Variants in DPP6 observed in about 807,000 individuals in gnomAD.
DPP6 encodes dipeptidyl peptidase like 6.
A neutral mutation model predicts 122.6 loss-of-function variants in DPP6; 69 were observed. That is an observed-to-expected ratio of 0.56 (90% CI 0.46 to 0.69). The LOEUF (loss-of-function observed/expected upper bound fraction) is 0.69, where lower values mean the gene tolerates loss of function less well. Ranked by LOEUF, DPP6 falls within the 30% of genes least tolerant of loss-of-function variation. The pLI is 0.00. For missense variants in DPP6, 928 were observed against 1,116.9 expected (o/e 0.83, Z 2.41); for synonymous variants, 418 against 433.1 (o/e 0.97, Z 0.43).
At chr7:154,180,304 C>T (rs1798007053) in intron 1 of DPP6, among the ~76,000 whole-genome samples, 1 of 150,498 alleles carries the variant, frequency 6.6e-6, no homozygotes, top group African/African-American at 2.5e-5. Context: ...GCTGAGATTG[C>T]ACCACTGCAC....
chr7:154,387,259 G>A (rs767214400), intron 1 of DPP6, among the ~76,000 whole-genome samples: 1 of 152,170 alleles, frequency 6.6e-6, no homozygotes, highest in Non-Finnish European at 1.5e-5. Context: ...TTCTTGATAT[G>A]TGCTGGTCCC....
At chr7:153,891,589 G>A (rs938580159) in intron 1 of DPP6, among the ~76,000 whole-genome samples, 4 of 152,052 alleles carry the variant, frequency 2.6e-5, no homozygotes, top group Non-Finnish European at 2.9e-5. Context: ...TATTCTGCTT[G>A]TTTAACAGAG....
chr7:153,825,294 C>G, the DPP6 span, among the ~76,000 whole-genome samples: 1 of 152,144 alleles, frequency 6.6e-6, no homozygotes, highest in Non-Finnish European at 1.5e-5. Flanking sequence ...AGGAGGACCA[C>G]TTATGAATCA....
intron 1 of DPP6, among the ~76,000 whole-genome samples, chr7:154,396,804 G>A (rs1344669806): frequency 2.6e-5 from 4 of 152,286 alleles, no homozygotes; most frequent in African/African-American, 9.6e-5. Flanking sequence ...AATTATCTGG[G>A]TGTGGTGGCA....
chr7:154,356,467 C>G (rs112850837), intron 1 of DPP6, among the ~76,000 whole-genome samples: 4,493 of 152,140 alleles, frequency 0.03, 216 homozygotes, highest in African/African-American at 0.1. Flanking sequence ...CTTTGGGAGG[C>G]TGAGGTGGGA....
chr7:154,461,341 TCTGTTTGATACA>T (rs1563707927), intron 2 of DPP6, among the ~76,000 whole-genome samples: 1 of 152,170 alleles, frequency 6.6e-6, no homozygotes, highest in Non-Finnish European at 1.5e-5. Context: ...AGTGCAGGTG[TCTGTTTGATACA>T]CTGATTTCCT....
intron 1 of DPP6, among the ~76,000 whole-genome samples, chr7:154,347,145 C>T (rs756097473): frequency 1.3e-5 from 2 of 152,198 alleles, no homozygotes; most frequent in Non-Finnish European, 2.9e-5. Context: ...ATCTCCTGCT[C>T]GGTTCATGTA....
At chr7:154,415,436 G>T (rs1816944352) in intron 1 of DPP6, among the ~76,000 whole-genome samples, 1 of 152,122 alleles carries the variant, frequency 6.6e-6, no homozygotes, top group African/African-American at 2.4e-5. Flanking sequence ...GCTTAAATTT[G>T]GTGTGAGTAG....
At chr7:153,910,722 G>C (rs988480650) in intron 1 of DPP6, among the ~76,000 whole-genome samples, 2 of 152,142 alleles carry the variant, frequency 1.3e-5, no homozygotes, top group South Asian at 4.2e-4. Flanking sequence ...TGGGCTTCCT[G>C]ACCTTGGTGC....
At chr7:154,698,030 G>GA (rs977435612) in intron 7 of DPP6, among the ~76,000 whole-genome samples, 6 of 151,848 alleles carry the variant, frequency 4.0e-5, no homozygotes, top group African/African-American at 1.4e-4. Flanking sequence ...TAAAAAATAG[G>GA]AAAAAAAGCC....
chr7:154,023,361 C>CA (rs1269497103), intron 1 of DPP6, among the ~76,000 whole-genome samples: 1 of 151,192 alleles, frequency 6.6e-6, no homozygotes, highest in Non-Finnish European at 1.5e-5. Context: ...CACACACACA[C>CA]TTCTTAAGTC....
intron 1 of DPP6, among the ~76,000 whole-genome samples, chr7:154,116,261 A>T (rs1424493473): frequency 6.6e-6 from 1 of 152,262 alleles, no homozygotes; most frequent in East Asian, 1.9e-4. Context: ...ATGGACATTT[A>T]CTGTCTTGAA....
intron 16 of DPP6, among the ~76,000 whole-genome samples, chr7:154,836,436 C>T (rs972114578): frequency 4.6e-5 from 7 of 152,166 alleles, no homozygotes; most frequent in East Asian, 1.9e-4. Flanking sequence ...GCTGTTCTGT[C>T]GCACTTTCAC....
intron 10 of DPP6, among the ~76,000 whole-genome samples, chr7:154,787,317 G>T (rs999091132): frequency 1.3e-5 from 2 of 151,948 alleles, no homozygotes; most frequent in African/African-American, 2.4e-5. Flanking sequence ...CATTTATTTG[G>T]GTTTTTTTAA....
At chr7:153,960,678 TG>T in intron 1 of DPP6, among the ~76,000 whole-genome samples, 1 of 150,980 alleles carries the variant, frequency 6.6e-6, no homozygotes, top group African/African-American at 2.4e-5. Context: ...TGTGTATGTG[TG>T]TACATGCGTG....
At chr7:154,235,834 A>T (rs1801179925) in intron 1 of DPP6, among the ~76,000 whole-genome samples, 1 of 152,012 alleles carries the variant, frequency 6.6e-6, no homozygotes, top group South Asian at 2.1e-4. Context: ...TTGTTACCTC[A>T]GTTTTCTTAT....
chr7:154,622,155 T>C (rs1364279658), intron 5 of DPP6, among the ~76,000 whole-genome samples: 1 of 152,166 alleles, frequency 6.6e-6, no homozygotes, highest in Non-Finnish European at 1.5e-5. Context: ...CATAGCCCAG[T>C]TGGTCTGGTG....
chr7:154,842,384 G>A (rs1482101664), intron 16 of DPP6, among the ~76,000 whole-genome samples: 1 of 152,158 alleles, frequency 6.6e-6, no homozygotes, highest in East Asian at 1.9e-4. Context: ...TTATTCTGAT[G>A]ACTTTTTTCT....
At chr7:154,809,903 T>C (rs1798939932) in intron 16 of DPP6, among the ~76,000 whole-genome samples, 1 of 152,220 alleles carries the variant, frequency 6.6e-6, no homozygotes, top group African/African-American at 2.4e-5. Flanking sequence ...GGAGTCTTGC[T>C]CTGCCGCCCA....
Sources: gnomAD v4.1 joint callset for allele counts (sites outside exome capture counted in the v4.1 genomes callset) on GRCh38, gnomAD v4.1.1 for gene constraint, MANE v1.5 for transcripts, NCBI Gene and HGNC (gene_info 2026-07-23, HGNC 2026-07-21) for gene names.